Variants in PELI2 observed in about 807,000 individuals in gnomAD.
PELI2 encodes the protein pellino E3 ubiquitin protein ligase family member 2.
In PELI2, 23 loss-of-function variants were observed where a neutral mutation model predicts 42.3. That is an observed-to-expected ratio of 0.54 (90% CI 0.39 to 0.77). The LOEUF is 0.77. PELI2 is among the 30% of genes least tolerant of loss of function. The pLI, the probability that PELI2 is intolerant of heterozygous loss-of-function variation, is 0.00. For missense variants in PELI2, 463 were observed against 553.2 expected (o/e 0.84, Z 1.64); for synonymous variants, 245 against 212.2 (o/e 1.15, Z -1.34).
intron 2 of PELI2, among the ~76,000 whole-genome samples, chr14:56,252,059 G>A (rs1888365750): frequency 6.6e-6 from 1 of 152,182 alleles, no homozygotes; most frequent in African/African-American, 2.4e-5. Flanking sequence ...GGATACTTGG[G>A]AGAATAGGGT....
chr14:56,195,217 A>T lies in PELI2; in HGVS notation c.207+16753A>T, dbSNP rs115626179. 1.3e-3 allele frequency among the ~76,000 whole-genome samples: 202 copies of T among 152,286 alleles called. 1 individual carries two copies. Among genetic ancestry groups the T allele is most frequent in the Middle Eastern group, 3.4e-3 (1 of 294 alleles). ...CTTATAACCATCCTTCTAAAAGGGG[A>T]TCCCCAACCCCCTTCAAAAGCATGC... On this transcript the variant is annotated intron_variant, in intron 2 of 5. Coordinates refer to ENST00000267460, the MANE Select transcript of PELI2 (RefSeq NM_021255.3).
intron 1 of PELI2, among the ~76,000 whole-genome samples, chr14:56,143,056 T>C (rs1484473796): frequency 6.6e-6 from 1 of 152,220 alleles, no homozygotes; most frequent in East Asian, 1.9e-4. Context: ...TCCTTTTTTT[T>C]TGGTTCCACA....
intron 2 of PELI2, among the ~76,000 whole-genome samples, chr14:56,224,884 T>G (rs1887285921): frequency 6.6e-6 from 1 of 152,124 alleles, no homozygotes; most frequent in Non-Finnish European, 1.5e-5. Flanking sequence ...CTCAGCTCCC[T>G]TCTCTGGGTC....
At chr14:56,266,113 A>G (rs1888894174) in intron 2 of PELI2, among the ~76,000 whole-genome samples, 1 of 152,100 alleles carries the variant, frequency 6.6e-6, no homozygotes, top group African/African-American at 2.4e-5. Flanking sequence ...TGACTGTTCA[A>G]ACATTTGGGT....
chr14:56,130,042 G>A (rs1883427617), intron 1 of PELI2, among the ~76,000 whole-genome samples: 1 of 147,150 alleles, frequency 6.8e-6, no homozygotes, highest in African/African-American at 2.6e-5. Flanking sequence ...TCCTTAAAGA[G>A]GAAGCATCGA....
chr14:56,229,378 C>T (rs1026166221), intron 2 of PELI2, among the ~76,000 whole-genome samples: 3 of 152,198 alleles, frequency 2.0e-5, no homozygotes, highest in African/African-American at 4.8e-5. Flanking sequence ...AGCAGGGTGC[C>T]CCTCTGAGAC....
At chr14:56,200,468 G>T (rs972094198) in intron 2 of PELI2, among the ~76,000 whole-genome samples, 4 of 152,160 alleles carry the variant, frequency 2.6e-5, no homozygotes, top group Non-Finnish European at 5.9e-5. Flanking sequence ...TCTAATGCCG[G>T]AGCTTCCTTT....
intron 2 of PELI2, among the ~76,000 whole-genome samples, chr14:56,207,240 A>G (rs1324213434): frequency 6.6e-6 from 1 of 152,204 alleles, no homozygotes; most frequent in African/African-American, 2.4e-5. Flanking sequence ...TAATCTCTAT[A>G]TAAACCTTAA....
At chr14:56,198,007 CA>C (rs748890716) in intron 2 of PELI2, among the ~76,000 whole-genome samples, 3,303 of 131,820 alleles carry the variant, frequency 0.025, 47 homozygotes, top group Middle Eastern at 0.057. Flanking sequence ...CACACACACA[CA>C]CACACCCACC....
At chr14:56,128,213 G>T (rs1458604978) in intron 1 of PELI2, among the ~76,000 whole-genome samples, 1 of 152,182 alleles carries the variant, frequency 6.6e-6, no homozygotes. Flanking sequence ...GAGGACTAGG[G>T]GTGGTGGAGC....
chr14:56,174,183 A>G (rs1885285052), intron 1 of PELI2, among the ~76,000 whole-genome samples: 1 of 152,186 alleles, frequency 6.6e-6, no homozygotes, highest in Non-Finnish European at 1.5e-5. Context: ...GATTACAGGC[A>G]TGAGCCATCA....
chr14:56,273,785 T>C lies in PELI2; in HGVS notation c.208-5891T>C, dbSNP rs1448545761. Among the ~76,000 whole-genome samples, 1 of 152,200 alleles carries C rather than the reference T, an allele frequency of 6.6e-6. No individual in the cohort carries two copies. Among genetic ancestry groups the C allele is most frequent in the Non-Finnish European group, 1.5e-5 (1 of 68,030 alleles). The stretch of plus-strand genomic sequence containing the variant: ...AGGAAACCCAGAAGGAGAAAATGTT[T>C]GAACCAAACCATGTAATGATGCTGT... On this transcript the variant is annotated intron_variant, in intron 2 of 5. Coordinates refer to ENST00000267460, the MANE Select transcript of PELI2 (RefSeq NM_021255.3). This position sits in a 1 kb window ranked among gnomAD's most constrained non-coding sequence, Gnocchi z 4.3.
chr14:56,152,896 G>A (rs1227096928), intron 1 of PELI2, among the ~76,000 whole-genome samples: 2 of 152,148 alleles, frequency 1.3e-5, no homozygotes, highest in Non-Finnish European at 2.9e-5. Context: ...ATGCATTCTA[G>A]TTATTTCTCA....
chr14:56,223,998 T>C (rs565187471), intron 2 of PELI2, among the ~76,000 whole-genome samples: 5 of 152,344 alleles, frequency 3.3e-5, no homozygotes, highest in African/African-American at 4.8e-5. Context: ...AGCAAATGAC[T>C]TCATAGTCTA....
intron 3 of PELI2, among the ~76,000 whole-genome samples, chr14:56,286,952 A>G (rs1889665801): frequency 6.6e-6 from 1 of 152,234 alleles, no homozygotes; most frequent in Non-Finnish European, 1.5e-5. Context: ...TCCTCTTTTT[A>G]CAGTCAATTT....
At chr14:56,175,201 G>T (rs938866696) in intron 1 of PELI2, among the ~76,000 whole-genome samples, 1 of 152,040 alleles carries the variant, frequency 6.6e-6, no homozygotes, top group African/African-American at 2.4e-5. Flanking sequence ...TTGACACATT[G>T]CCCAGGCTGG....
intron 2 of PELI2, among the ~76,000 whole-genome samples, chr14:56,268,349 G>A (rs1316650761): frequency 2.0e-5 from 3 of 152,096 alleles, no homozygotes; most frequent in Non-Finnish European, 4.4e-5. Context: ...AATATTTAGA[G>A]AAGTAAATGT....
intron 2 of PELI2, among the ~76,000 whole-genome samples, chr14:56,186,851 C>T (rs925387743): frequency 1.3e-5 from 2 of 152,110 alleles, no homozygotes; most frequent in Non-Finnish European, 2.9e-5. Flanking sequence ...TTGCTTTTAA[C>T]ATGTCAGTGC....
At chr14:56,246,518 C>G (rs967361346) in intron 2 of PELI2, among the ~76,000 whole-genome samples, 1 of 152,198 alleles carries the variant, frequency 6.6e-6, no homozygotes, top group Non-Finnish European at 1.5e-5. Flanking sequence ...CTCCGAGCCT[C>G]TGCATTTGAG....
Sources: allele counts gnomAD v4.1 joint callset (sites outside exome capture counted in the v4.1 genomes callset), GRCh38; gene constraint gnomAD v4.1.1; non-coding constraint Gnocchi (gnomAD v3.1); transcripts MANE v1.5; gene names NCBI Gene and HGNC (gene_info 2026-07-23, HGNC 2026-07-21).